LYPD3: variants seen among roughly 807,000 people sequenced by gnomAD.
The protein encoded by LYPD3 is LY6/PLAUR domain containing 3.
Under a neutral mutation model 21.7 loss-of-function variants are expected in LYPD3, and 22 were observed. That is an observed-to-expected ratio of 1.01 (90% confidence interval 0.72 to 1.45). The LOEUF (loss-of-function observed/expected upper bound fraction) is 1.45, where lower values mean the gene tolerates loss of function less well. Ranked by LOEUF, LYPD3 falls within the 40% of genes most tolerant of loss-of-function variation. The pLI is 0.00. For missense variants in LYPD3, 471 were observed against 466.9 expected, an observed-to-expected ratio of 1.01 and a Z score of -0.08; for synonymous variants, 179 against 203.0, an observed-to-expected ratio of 0.88 and a Z score of 1.00.
chr19:43,461,506 A>C lies in LYPD3; in HGVS notation c.886T>G (p.Leu296Val). 1 of 1,613,862 alleles carries C rather than the reference A, an allele frequency of 6.2e-7. No individual in the cohort carries two copies. The highest frequency in any genetic ancestry group is 8.5e-7 in the Non-Finnish European group (1 of 1,179,960). ...HEASRDEEPR[L>V]TGGAAGHQDR... ...TGGTGGCCAGCGGCGCCTCCAGTCA[A>C]CCTGGGCTCCTCATCCCGGGAGGCC... Residue 296 changes from leucine (L) to valine (V), a missense_variant, in exon 5 of 5, where the codon TTG (leucine) becomes GTG (valine). Transcript: ENST00000244333.
chr19:43,461,921 G>T, intron 4 of LYPD3, 74 bp from the exon 5 acceptor site: 1 of 1,511,292 alleles, frequency 6.6e-7, no homozygotes, highest in Non-Finnish European at 9.0e-7. Context: ...AAACTTAGAG[G>T]CATCAGACAA....
At chr19:43,462,649 G>A (rs1970785002) in intron 4 of LYPD3, among the ~76,000 whole-genome samples, 1 of 151,852 alleles carries the variant, frequency 6.6e-6, no homozygotes, top group Admixed American at 6.6e-5. Context: ...AGAGCAAGAT[G>A]CTGTCTTTAA....
chr19:43,464,929 TTTTTC>T (rs1236494574), intron 1 of LYPD3, among the ~76,000 whole-genome samples: 4 of 80,694 alleles, frequency 5.0e-5, no homozygotes, highest in African/African-American at 3.1e-4. Flanking sequence ...TTTTTTTCTT[TTTTTC>T]TTTTTTTTTT....
At position 43,463,751 on chromosome 19, in the gene LYPD3, A is replaced by T. The variant is rs1970796535; in HGVS notation, c.230T>A (p.Leu77Gln). The change falls in exon 3 of 5, where the codon CTG becomes CAG. Residue 77 changes from leucine to glutamine, a missense_variant. Physicochemically the swap from Leu to Gln is moderately radical, Grantham distance 113 (BLOSUM62 -2). Transcript: ENST00000244333. The part of the protein sequence containing the change: ...AVETIHGQFS[L>Q]AVRGCGSGLP... ...TCCCGAACCGCAACCCCGCACTGCC[A>T]GCGAGAATTGTCCGTGGACTAGGGA... 2 of 1,613,396 alleles carry T rather than the reference A, an allele frequency of 1.2e-6. No individual in the cohort carries two copies.
chr19:43,463,372 G>T, intron 3 of LYPD3, 85 bp from the exon 4 acceptor site: 1 of 1,495,024 alleles, frequency 6.7e-7, no homozygotes, highest in Non-Finnish European at 9.1e-7. Context: ...CTAAGGCCTG[G>T]CCCCGGCACT....
chr19:43,465,013 TC>T (rs974318679), intron 1 of LYPD3, among the ~76,000 whole-genome samples: 2 of 138,904 alleles, frequency 1.4e-5, no homozygotes, highest in African/African-American at 5.5e-5. Flanking sequence ...CACTGCAACC[TC>T]CCCTCCTGGA....
intron 4 of LYPD3, among the ~76,000 whole-genome samples, chr19:43,462,584 G>C (rs1282759635): frequency 2.0e-5 from 3 of 152,154 alleles, no homozygotes; most frequent in Non-Finnish European, 4.4e-5. Flanking sequence ...TTGAGCCCAA[G>C]AGGTAGAGGC....
intron 2 of LYPD3, 37 bp downstream of exon 2, chr19:43,464,288 C>G (rs78192599): frequency 1.3e-6 from 2 of 1,570,732 alleles, no homozygotes; most frequent in African/African-American, 2.7e-5. Flanking sequence ...CCGGAGGAGC[C>G]TGCAGTGGTG....
In LYPD3 at chr19:43,464,335, C is replaced by T. The variant is rs1038070307; in HGVS notation, c.201G>A (p.Ala67=). The change falls in exon 2 of 5, where the codon GCG becomes GCA. Residue 67 remains alanine, a synonymous_variant. Coordinates refer to ENST00000244333, the MANE Select transcript of LYPD3 (RefSeq NM_014400.3). ...GGGGTCCCCACTCACTGGTCTCCAC[C>T]GCCCCCACGGCCTCGGTGCAGACGT... ...GVDVCTEAVG[A]VETIHGQFSL... 2 of 1,608,696 alleles carry T rather than the reference C, an allele frequency of 1.2e-6. No individual in the cohort carries two copies. Among genetic ancestry groups the T allele is most frequent in the South Asian group, 1.1e-5 (1 of 90,398 alleles).
At position 43,465,369 on chromosome 19, in the gene LYPD3, T is replaced by C. The variant is rs974686751; in HGVS notation, c.79+124A>G. The C allele has an allele frequency of 1.9e-5, 21 of 1,091,548 alleles. No individual in the cohort carries two copies. In the African/African-American group the frequency reaches 2.2e-4, roughly 11 times the overall value. The allele number at this position is 1,091,548 out of a possible 1,614,324, so 67.6% of individuals were successfully genotyped here. A position where few individuals can be genotyped will look rare whatever the true frequency, so the allele number is the denominator to read the frequency against. On this transcript the variant is annotated intron_variant, in intron 1 of 4. Transcript: ENST00000244333. The stretch of plus-strand genomic sequence containing the variant: ...TCCCTTGCTTAGGATGGGGGAACTT[T>C]GCCCACAGTGCCCTCTGCTTATGTG...
chr19:43,461,221 G>A lies in LYPD3; in HGVS notation c.*130C>T. On this transcript the variant is annotated 3_prime_UTR_variant, in exon 5 of 5. Transcript: ENST00000244333. ...CGCAAACCAGCGCAGCAGAAGCTGG[G>A]GATACTGGGGAATGTTGGAAAAACA... 9.1e-7 allele frequency: 1 copy of A among 1,093,638 alleles called. No homozygotes were observed. The highest frequency in any genetic ancestry group is 1.7e-5 in the South Asian group (1 of 58,668). 67.7% of individuals were successfully genotyped at this position (1,093,638 alleles called of 1,614,324 possible). A position where few individuals can be genotyped will look rare whatever the true frequency, so the allele number is the denominator to read the frequency against.
rs545379424 is a variant in LYPD3, at chr19:43,463,852, G to T, written c.212-83C>A. 195 of 1,366,816 alleles carry T rather than the reference G, an allele frequency of 1.4e-4. 2 individuals are homozygous for T. The South Asian group carries it at 2.2e-3, about 16-fold the overall frequency. 84.7% of individuals were successfully genotyped at this position (1,366,816 alleles called of 1,614,324 possible). Reference sequence around the variant, plus strand: ...CCCAGAGTTGGGTAGGGTCTGGGAGGGGCGGGGCCTCAAATAGGCCAACAC... The same window carrying T: ...CCCAGAGTTGGGTAGGGTCTGGGAGTGGCGGGGCCTCAAATAGGCCAACAC... On this transcript the variant is annotated intron_variant, in intron 2 of 4. Transcript: ENST00000244333.
intron 2 of LYPD3, 114 bp from the exon 3 acceptor site, chr19:43,463,883 G>T: frequency 9.5e-7 from 1 of 1,048,968 alleles, no homozygotes; most frequent in Non-Finnish European, 1.4e-6. Context: ...AACACCACAG[G>T]ACCGACAGGC....
intron 4 of LYPD3, 96 bp downstream of exon 4, chr19:43,463,030 A>T: frequency 1.5e-6 from 2 of 1,375,040 alleles, no homozygotes; most frequent in Non-Finnish European, 2.0e-6. Context: ...GTCGCAGGTT[A>T]AGGAAACGCT....
intron 4 of LYPD3, among the ~76,000 whole-genome samples, chr19:43,462,307 T>C (rs1433964506): frequency 6.6e-6 from 1 of 152,152 alleles, no homozygotes; most frequent in Admixed American, 6.6e-5. Flanking sequence ...CTCTCACCAT[T>C]ATCCCCTTAG....
chr19:43,463,518 G>T, intron 3 of LYPD3, 81 bp downstream of exon 3: 1 of 1,348,436 alleles, frequency 7.4e-7, no homozygotes, highest in Non-Finnish European at 1.0e-6. Flanking sequence ...GAGTACTCCC[G>T]CCTCTGCCAC....
Position 43,465,530 on chromosome 19 carries a change from C to T in LYPD3, c.42G>A (p.Trp14Ter), listed in dbSNP as rs1296808576. 2 of 1,610,698 alleles carry T rather than the reference C, an allele frequency of 1.2e-6. No homozygotes were observed. The highest frequency in any genetic ancestry group is 3.3e-5 in the Admixed American group (2 of 60,028). The change falls in exon 1 of 5, where the codon TGG becomes TGA. Residue 14 changes from tryptophan (W) to a stop codon, truncating the protein, a stop_gained. Transcript: ENST00000244333. LOFTEE classifies it high-confidence loss of function. ...ARKAGAQAMIWTAGWLLLLLL... is the reference protein window; with the variant it reads ...ARKAGAQAMI ...GCAGCAGCAGCAGCCAGCCTGCAGT[C>T]CAGATCATGGCCTGGGCACCTGCTT...
In LYPD3 at chr19:43,464,339, C is replaced by T. The variant is rs764253277; in HGVS notation, c.197G>A (p.Gly66Glu). 9.3e-6 allele frequency: 15 copies of T among 1,610,556 alleles called. No individual in the cohort carries two copies. The South Asian group carries it at 1.7e-4, about 18-fold the overall frequency. ...TCCCCACTCACTGGTCTCCACCGCC[C>T]CCACGGCCTCGGTGCAGACGTCCAC... ...PGVDVCTEAVGAVETIHGQFS... is the reference protein window; with the variant it reads ...PGVDVCTEAVEAVETIHGQFS... The change falls in exon 2 of 5, where the codon GGG becomes GAG. Residue 66 changes from glycine (G) to glutamate (E), a missense_variant. By Grantham distance (98) the Gly-to-Glu change is moderately conservative (BLOSUM62 -2). Transcript: ENST00000244333.
Position 43,460,803 on chromosome 19 carries a change from TAAATC to T in LYPD3, c.*543_*547del, listed in dbSNP as rs1198996168. On this transcript the variant is annotated 3_prime_UTR_variant, in exon 5 of 5. Coordinates refer to ENST00000244333, the MANE Select transcript of LYPD3 (RefSeq NM_014400.3). Reference sequence around the variant, plus strand: ...CCTTTAAAGCACTATACAAAGTAATTAAATCTTTATTGAGGCATTTATGTGCCAGA... The same window carrying T: ...CCTTTAAAGCACTATACAAAGTAATTTTTATTGAGGCATTTATGTGCCAGA... 1 of 157,630 alleles carries T rather than the reference TAAATC, an allele frequency of 6.3e-6. No individual in the cohort carries two copies. The highest frequency in any genetic ancestry group is 1.4e-5 in the Non-Finnish European group (1 of 71,388). 9.8% of individuals were successfully genotyped at this position (157,630 alleles called of 1,614,324 possible).
Sources: gnomAD v4.1 joint callset for allele counts (sites outside exome capture counted in the v4.1 genomes callset) on GRCh38, gnomAD v4.1.1 for gene constraint, MANE v1.5 for transcripts, NCBI Gene and HGNC (gene_info 2026-07-23, HGNC 2026-07-21) for gene names.